The following MICU2 variants were observed in gnomAD, a reference collection of about 807,000 sequenced individuals.
MICU2 encodes mitochondrial calcium uptake 2, also known as calcium uptake protein 2, mitochondrial.
A neutral mutation model predicts 60.4 loss-of-function variants in MICU2; 64 were observed. That is an observed-to-expected ratio of 1.06 (90% confidence interval 0.87 to 1.31). MICU2 has a LOEUF of 1.31. MICU2 is among the 50% of genes most tolerant of loss of function. The pLI, the probability that MICU2 is intolerant of heterozygous loss-of-function variation, is 0.00. For synonymous variants in MICU2, 201 were observed against 175.0 expected (o/e 1.15, Z -1.17); for missense variants, 569 against 531.0 (o/e 1.07, Z -0.70).
intron 2 of MICU2, among the ~76,000 whole-genome samples, chr13:21,551,788 T>C (rs1206718830): frequency 2.0e-5 from 3 of 152,046 alleles, no homozygotes; most frequent in Non-Finnish European, 2.9e-5. Flanking sequence ...TATGGCTGCA[T>C]AGTATTCCAT....
chr13:21,512,309 G>A (rs546100714), intron 7 of MICU2, among the ~76,000 whole-genome samples: 2 of 152,194 alleles, frequency 1.3e-5, no homozygotes, highest in African/African-American at 4.8e-5. Context: ...ATCACTTTGT[G>A]GTTAAATTGT....
intron 1 of MICU2, among the ~76,000 whole-genome samples, chr13:21,602,480 C>T (rs1378756986): frequency 6.6e-6 from 1 of 152,080 alleles, no homozygotes; most frequent in Admixed American, 6.6e-5. Flanking sequence ...CGAGATAGCG[C>T]CACTGCAGTC....
intron 2 of MICU2, among the ~76,000 whole-genome samples, chr13:21,566,171 G>C (rs931729014): frequency 2.6e-5 from 4 of 152,026 alleles, no homozygotes; most frequent in African/African-American, 7.2e-5. Context: ...TGCTCACCTT[G>C]CTCTCACCCA....
At chr13:21,540,893 CA>C (rs1183022064) in intron 2 of MICU2, among the ~76,000 whole-genome samples, 3 of 151,830 alleles carry the variant, frequency 2.0e-5, no homozygotes, top group African/African-American at 7.3e-5. Flanking sequence ...TAATGAACTC[CA>C]AAAAACTGTG....
At chr13:21,562,076 G>A (rs1260423819) in intron 2 of MICU2, among the ~76,000 whole-genome samples, 2 of 151,092 alleles carry the variant, frequency 1.3e-5, no homozygotes, top group East Asian at 1.9e-4. Flanking sequence ...ATTCCATGGT[G>A]TATATGTGCC....
At chr13:21,582,154 CAG>C (rs1468935659) in intron 1 of MICU2, among the ~76,000 whole-genome samples, 2 of 152,130 alleles carry the variant, frequency 1.3e-5, no homozygotes, top group African/African-American at 4.8e-5. Flanking sequence ...AGCAAGGAGA[CAG>C]GGGCAAGGGC....
At chr13:21,590,132 G>C (rs536934268) in intron 1 of MICU2, among the ~76,000 whole-genome samples, 1 of 152,052 alleles carries the variant, frequency 6.6e-6, no homozygotes, top group Non-Finnish European at 1.5e-5. Flanking sequence ...CCAACCCCAA[G>C]ACACATAATC....
intron 1 of MICU2, among the ~76,000 whole-genome samples, chr13:21,575,036 T>C (rs772976885): frequency 6.6e-6 from 1 of 152,230 alleles, no homozygotes; most frequent in African/African-American, 2.4e-5. Flanking sequence ...GGAACTACTC[T>C]CTCTGGCTTC....
intron 4 of MICU2, among the ~76,000 whole-genome samples, chr13:21,538,573 A>AAC (rs1432892542): frequency 1.3e-5 from 2 of 150,966 alleles, no homozygotes; most frequent in East Asian, 3.9e-4. Context: ...AAAAAAAAAA[A>AAC]AAAAAAACCC....
chr13:21,602,389 G>A (rs974139096), intron 1 of MICU2, among the ~76,000 whole-genome samples: 3 of 152,166 alleles, frequency 2.0e-5, no homozygotes, highest in Non-Finnish European at 4.4e-5. Flanking sequence ...GGGCGCGATG[G>A]CGGGCGCCTG....
intron 1 of MICU2, among the ~76,000 whole-genome samples, chr13:21,580,747 G>C (rs539183850): frequency 2.0e-5 from 3 of 152,106 alleles, no homozygotes; most frequent in South Asian, 2.1e-4. Flanking sequence ...ATTATTACCA[G>C]TATTAATAAT....
chr13:21,548,758 T>A (rs1319214150), intron 2 of MICU2, among the ~76,000 whole-genome samples: 1 of 152,054 alleles, frequency 6.6e-6, no homozygotes, highest in Non-Finnish European at 1.5e-5. Flanking sequence ...CAAACTTGTT[T>A]GATCAAAACA....
At chr13:21,532,569 C>T (rs1887028101) in intron 4 of MICU2, among the ~76,000 whole-genome samples, 1 of 152,098 alleles carries the variant, frequency 6.6e-6, no homozygotes, top group Admixed American at 6.5e-5. Context: ...GTTTGCTTCC[C>T]CAGCTTAGGT....
chr13:21,592,523 C>T (rs1318227291), intron 1 of MICU2, among the ~76,000 whole-genome samples: 1 of 150,358 alleles, frequency 6.7e-6, no homozygotes, highest in Non-Finnish European at 1.5e-5. Context: ...TGAAGAGCAT[C>T]ATCCTGATAC....
At chr13:21,525,181 A>ATTTTTTTTT in intron 4 of MICU2, among the ~76,000 whole-genome samples, 1 of 83,306 alleles carries the variant, frequency 1.2e-5, no homozygotes. Flanking sequence ...GTGTAATTCA[A>ATTTTTTTTT]TTTTTTTTTT....
chr13:21,603,914 C>T, intron 1 of MICU2, 25 bp downstream of exon 1: 6 of 1,609,160 alleles, frequency 3.7e-6, no homozygotes, highest in Non-Finnish European at 5.1e-6. Flanking sequence ...TTGACTGGGG[C>T]TAGCAGAAGG....
At chr13:21,563,813 ATT>A (rs35279335) in intron 2 of MICU2, among the ~76,000 whole-genome samples, 9 of 143,544 alleles carry the variant, frequency 6.3e-5, no homozygotes, top group Non-Finnish European at 9.0e-5. Context: ...CAACAAACAC[ATT>A]TTTTTTTTTT....
intron 1 of MICU2, among the ~76,000 whole-genome samples, chr13:21,571,149 C>T (rs552212103): frequency 2.2e-4 from 34 of 152,002 alleles, no homozygotes; most frequent in Non-Finnish European, 4.1e-4. Flanking sequence ...CATGTTGCTT[C>T]GGGTACTCAT....
intron 1 of MICU2, among the ~76,000 whole-genome samples, chr13:21,597,790 G>A (rs1426398257): frequency 6.6e-6 from 1 of 151,900 alleles, no homozygotes; most frequent in Non-Finnish European, 1.5e-5. Flanking sequence ...AATTAGCCGG[G>A]CGTCATGGAG....
Sources: allele counts gnomAD v4.1 joint callset (sites outside exome capture counted in the v4.1 genomes callset), GRCh38; gene constraint gnomAD v4.1.1; transcripts MANE v1.5; gene names NCBI Gene and HGNC (gene_info 2026-07-23, HGNC 2026-07-21).